The following CCDC117 variants were observed in gnomAD, a reference collection of about 807,000 sequenced individuals.
CCDC117 encodes the protein coiled-coil domain-containing protein 117.
In CCDC117, 1 loss-of-function variant was observed where a neutral mutation model predicts 23.5. The ratio of observed to expected loss-of-function variants is 0.04; its 90% CI spans 0.02 to 0.20. The LOEUF (loss-of-function observed/expected upper bound fraction) is 0.20, where lower values mean the gene tolerates loss of function less well. Among genes scored for constraint, CCDC117 ranks in the 10% least tolerant of loss-of-function variants. The probability of loss-of-function intolerance (pLI) is 1.00; values close to 1 mark genes in which losing one functional copy is unlikely to be tolerated. For missense variants in CCDC117, 383 were observed against 348.2 expected (o/e 1.10, Z -0.80); for synonymous variants, 132 against 124.8 (o/e 1.06, Z -0.39).
At chr22:28,773,364 A>G (rs746712181) in intron 1 of CCDC117, 4 of 201,116 alleles carry the variant, frequency 2.0e-5, no homozygotes, top group Middle Eastern at 3.9e-3. Flanking sequence ...GTTAGTGACA[A>G]CTTTCAGTGT....
rs1196174353 is a variant in CCDC117, at chr22:28,787,149, T to C, written c.*823T>C. The C allele has an allele frequency of 1.3e-5, 2 of 152,566 alleles. No individual in the cohort carries two copies. The highest frequency in any genetic ancestry group is 4.8e-5 in the African/African-American group (2 of 41,442). The allele number at this position is 152,566 out of a possible 1,614,324, so 9.5% of individuals were successfully genotyped here. A position where few individuals can be genotyped will look rare whatever the true frequency, so the allele number is the denominator to read the frequency against. The stretch of plus-strand genomic sequence containing the variant: ...GTGCTTTATCAGCTAAACCCAACAT[T>C]GATAACTTTGGTAATTTTTTTAAAA... On this transcript the variant is annotated 3_prime_UTR_variant, in exon 5 of 5. Coordinates refer to ENST00000249064, the MANE Select transcript of CCDC117 (RefSeq NM_173510.4).
Position 28,786,177 on chromosome 22 carries a change from T to A in CCDC117, c.691T>A (p.Tyr231Asn). The part of the protein sequence containing the change: ...KPKPSSNTKN[Y>N]TGESQAKHVA... The stretch of plus-strand genomic sequence containing the variant: ...AAAGCCATCCTCTAATACTAAGAAC[T>A]ATACAGGAGAGAGCCAAGCTAAGCA... The change falls in exon 5 of 5, where the codon TAT becomes AAT. Residue 231 changes from tyrosine to asparagine, a missense_variant. Tyr to Asn is a moderately radical substitution (Grantham distance 143). Transcript: ENST00000249064. 6.2e-7 allele frequency: 1 copy of A among 1,614,124 alleles called. No homozygotes were observed. Among genetic ancestry groups the A allele is most frequent in the Non-Finnish European group, 8.5e-7 (1 of 1,179,980 alleles).
rs1259001097 is a variant in CCDC117 at position 28,781,586 on chromosome 22, C to T, written c.464+414C>T. Reference sequence around the variant, plus strand: ...CGGGATGGTCTCGATCTCTTGACCTCGTGATCCGCCCGCCTCGGCCTCCCA... The same window carrying T: ...CGGGATGGTCTCGATCTCTTGACCTTGTGATCCGCCCGCCTCGGCCTCCCA... On this transcript the variant is annotated intron_variant, in intron 3 of 4. Coordinates refer to ENST00000249064, the MANE Select transcript of CCDC117 (RefSeq NM_173510.4). Among the ~76,000 whole-genome samples, 6 of 54,350 alleles carry T rather than the reference C, an allele frequency of 1.1e-4. 1 individual carries two copies. The South Asian group carries it at 4.6e-3, about 41-fold the overall frequency. The allele number at this position is 54,350 out of a possible 152,430, so 35.7% of individuals were successfully genotyped here.
intron 2 of CCDC117, 97 bp from the exon 3 acceptor site, chr22:28,780,851 A>T: frequency 1.2e-6 from 1 of 845,758 alleles, no homozygotes; most frequent in African/African-American, 1.7e-5. Flanking sequence ...CAAAAAAGCT[A>T]GTTTTTTAAA....
At position 28,786,263 on chromosome 22, in the gene CCDC117, A is replaced by C. The variant is rs1215108194; in HGVS notation, c.777A>C (p.Thr259=). The change falls in exon 5 of 5, where the codon ACA becomes ACC. Residue 259 remains threonine (T), a synonymous_variant. Coordinates refer to ENST00000249064, the MANE Select transcript of CCDC117 (RefSeq NM_173510.4). ...AACTGTTTTCGGAACCTCGGCCAAC[A>C]GGGATGTCTCTTTATAATAGTTTGG... ...RTELFSEPRP[T]GMSLYNSLET... is the part of the protein sequence containing the mutation. The C allele has an allele frequency of 1.3e-5, 21 of 1,614,210 alleles. No individual in the cohort carries two copies. Among genetic ancestry groups the C allele is most frequent in the Non-Finnish European group, 1.7e-5 (20 of 1,180,032 alleles).
At chr22:28,773,806 C>T in intron 2 of CCDC117, 28 bp downstream of exon 2, 2 of 1,580,222 alleles carry the variant, frequency 1.3e-6, no homozygotes, top group Non-Finnish European at 1.7e-6. Flanking sequence ...TTTATTCACT[C>T]TGTGGTCACC....
At chr22:28,782,384 G>C (rs1489975619) in intron 3 of CCDC117, among the ~76,000 whole-genome samples, 2 of 149,878 alleles carry the variant, frequency 1.3e-5, no homozygotes, top group African/African-American at 4.9e-5. Context: ...TCAGCCTCCT[G>C]AGTAGCTGGG....
At chr22:28,782,426 A>AT (rs200639068) in intron 3 of CCDC117, among the ~76,000 whole-genome samples, 3 of 148,858 alleles carry the variant, frequency 2.0e-5, no homozygotes, top group East Asian at 4.0e-4. Context: ...ACCTGGCCAA[A>AT]TTTTTTTTTG....
rs745604714 is a variant in CCDC117, at chr22:28,772,812, G to A, written c.-38G>A. On this transcript the variant is annotated 5_prime_UTR_variant, in exon 1 of 5. Coordinates refer to ENST00000249064, the MANE Select transcript of CCDC117 (RefSeq NM_173510.4). ...GCTGCCGGGCCTGGGGACGCGGGCG[G>A]CCGAGGCCGCCGTCGCAGCCTCCTC... The A allele has an allele frequency of 3.3e-6, 4 of 1,219,324 alleles. No homozygotes were observed. The highest frequency in any genetic ancestry group is 4.1e-6 in the Non-Finnish European group (4 of 979,442). 75.5% of individuals were successfully genotyped at this position (1,219,324 alleles called of 1,614,324 possible).
chr22:28,773,593 C>A, intron 1 of CCDC117, 132 bp from the exon 2 acceptor site: 1 of 706,270 alleles, frequency 1.4e-6, no homozygotes, highest in Admixed American at 2.1e-5. Context: ...TGATTTGTAC[C>A]CATCCCACTA....
chr22:28,773,346 C>T (rs1200235944), intron 1 of CCDC117: 3 of 184,214 alleles, frequency 1.6e-5, no homozygotes, highest in Admixed American at 5.9e-5. Context: ...CCCCTCGGCG[C>T]GGCCGCTGTT....
chr22:28,782,636 A>G (rs1289934666), intron 3 of CCDC117, among the ~76,000 whole-genome samples: 1 of 151,802 alleles, frequency 6.6e-6, no homozygotes, highest in Non-Finnish European at 1.5e-5. Context: ...ATGGGGTTTC[A>G]CCACGTTGGC....
chr22:28,779,194 CTTTATTTA>C (rs892375588), intron 2 of CCDC117, among the ~76,000 whole-genome samples: 1 of 88,316 alleles, frequency 1.1e-5, no homozygotes, highest in Non-Finnish European at 2.2e-5. Flanking sequence ...ATATCACATA[CTTTATTTA>C]TTTATTTATT....
intron 3 of CCDC117, 104 bp from the exon 4 acceptor site, chr22:28,783,404 A>T: frequency 8.9e-7 from 1 of 1,118,940 alleles, no homozygotes; most frequent in Non-Finnish European, 1.3e-6. Flanking sequence ...TGTATTACTT[A>T]CTGCTTTTAT....
At chr22:28,775,425 G>A (rs1569196899) in intron 2 of CCDC117, among the ~76,000 whole-genome samples, 2 of 152,176 alleles carry the variant, frequency 1.3e-5, no homozygotes, top group African/African-American at 4.8e-5. Context: ...GGAAGTATAT[G>A]AATGATTTCC....
Position 28,772,996 on chromosome 22 carries a change from A to C in CCDC117, c.147A>C (p.Ala49=). 8.5e-7 allele frequency: 1 copy of C among 1,180,574 alleles called. No homozygotes were observed. The highest frequency in any genetic ancestry group is 4.6e-5 in the Admixed American group (1 of 21,690). 73.1% of individuals were successfully genotyped at this position (1,180,574 alleles called of 1,614,324 possible). A position where few individuals can be genotyped will look rare whatever the true frequency, so the allele number is the denominator to read the frequency against. The part of the protein sequence containing the change: ...AELAPRPGPR[A]VPSSPAGSAA... The stretch of plus-strand genomic sequence containing the variant: ...TGGCCCCGCGGCCGGGACCTCGCGC[A>C]GTCCCTAGCAGTCCCGCTGGGAGTG... Residue 49 remains alanine, a synonymous_variant, in exon 1 of 5, where the codon GCA becomes GCC. Coordinates refer to ENST00000249064, the MANE Select transcript of CCDC117 (RefSeq NM_173510.4).
chr22:28,772,894 C>T lies in CCDC117; in HGVS notation c.45C>T (p.Gly15=). 8.1e-7 allele frequency: 1 copy of T among 1,233,902 alleles called. No individual in the cohort carries two copies. Among genetic ancestry groups the T allele is most frequent in the South Asian group, 3.6e-5 (1 of 27,710 alleles). 76.4% of individuals were successfully genotyped at this position (1,233,902 alleles called of 1,614,324 possible). ...GRPFSGLPLS[G]GSDFLQPPQP... The stretch of plus-strand genomic sequence containing the variant: ...CCTTCAGCGGCCTCCCTCTGAGCGG[C>T]GGCTCGGACTTCCTGCAGCCGCCGC... The change falls in exon 1 of 5, where the codon GGC becomes GGT. Residue 15 remains glycine (G), a synonymous_variant. Coordinates refer to ENST00000249064, the MANE Select transcript of CCDC117 (RefSeq NM_173510.4).
rs972583582 is a variant in CCDC117 at position 28,788,518 on chromosome 22, A to G, written c.*2192A>G. On this transcript the variant is annotated 3_prime_UTR_variant, in exon 5 of 5. Transcript: ENST00000249064. ...GCCCCCAACACAAGGCTCTGATACT[A>G]CTGGTAAATGTAGGAGAGAATTAAG... is the stretch of plus-strand genomic sequence containing the variant. 1 of 152,346 alleles carries G rather than the reference A, an allele frequency of 6.6e-6. No homozygotes were observed. The highest frequency in any genetic ancestry group is 2.4e-5 in the African/African-American group (1 of 41,474). The allele number at this position is 152,346 out of a possible 1,614,324, so 9.4% of individuals were successfully genotyped here. A position where few individuals can be genotyped will look rare whatever the true frequency, so the allele number is the denominator to read the frequency against.
At chr22:28,781,344 T>TTTTG (rs2031322868) in intron 3 of CCDC117, among the ~76,000 whole-genome samples, 172 bp downstream of exon 3, 6 of 5,306 alleles carry the variant, frequency 1.1e-3, no homozygotes, top group Admixed American at 3.4e-3. Context: ...TGTTTTTTTT[T>TTTTG]TTTTTTTTTT....
Sources: allele counts gnomAD v4.1 joint callset (sites outside exome capture counted in the v4.1 genomes callset), GRCh38; gene constraint gnomAD v4.1.1; transcripts MANE v1.5; gene names NCBI Gene and HGNC (gene_info 2026-07-23, HGNC 2026-07-21).